ERBB4: variants seen among roughly 807,000 people sequenced by gnomAD.
ERBB4 encodes the protein receptor tyrosine-protein kinase erbB-4.
Under a neutral mutation model 158.0 loss-of-function variants are expected in ERBB4, and 42 were observed. The ratio of observed to expected loss-of-function variants is 0.27; its 90% CI spans 0.21 to 0.34. The LOEUF (loss-of-function observed/expected upper bound fraction) is 0.34. Among genes scored for constraint, ERBB4 ranks in the 10% least tolerant of loss-of-function variants. ERBB4 has a pLI of 1.00. For missense variants in ERBB4, 1,333 were observed against 1,624.1 expected (o/e 0.82, Z 3.08); for synonymous variants, 583 against 558.7 (o/e 1.04, Z -0.61).
At chr2:211,874,224 T>C (rs1431276586) in intron 3 of ERBB4, among the ~76,000 whole-genome samples, 1 of 152,256 alleles carries the variant, frequency 6.6e-6, no homozygotes, top group Admixed American at 6.5e-5. Flanking sequence ...CTATTTACAC[T>C]GAAGAATAAA....
chr2:212,264,611 T>C (rs1021138301), intron 1 of ERBB4, among the ~76,000 whole-genome samples: 3 of 152,124 alleles, frequency 2.0e-5, no homozygotes, highest in African/African-American at 7.2e-5. Flanking sequence ...CTTTAAACTA[T>C]CATGATTACA....
At chr2:212,106,892 G>A (rs2125530604) in intron 2 of ERBB4, among the ~76,000 whole-genome samples, 1 of 152,360 alleles carries the variant, frequency 6.6e-6, no homozygotes, top group South Asian at 2.1e-4. Flanking sequence ...TGTTGACCCT[G>A]GTGGTGCACA....
At chr2:211,445,584 G>C (rs1259917074) in intron 20 of ERBB4, among the ~76,000 whole-genome samples, 1 of 152,034 alleles carries the variant, frequency 6.6e-6, no homozygotes, top group African/African-American at 2.4e-5. Context: ...TAAAACTAGC[G>C]ACAGTATCAA....
At chr2:212,267,833 C>T (rs963178013) in intron 1 of ERBB4, among the ~76,000 whole-genome samples, 14 of 146,002 alleles carry the variant, frequency 9.6e-5, no homozygotes, top group African/African-American at 3.0e-4. Context: ...TTCAAAATTT[C>T]TATACCTGGC....
At chr2:211,728,991 T>C in intron 5 of ERBB4, among the ~76,000 whole-genome samples, 1 of 151,910 alleles carries the variant, frequency 6.6e-6, no homozygotes, top group Middle Eastern at 3.4e-3. Context: ...ACTATTTAAA[T>C]ATGAAAATAA....
chr2:212,533,203 A>T (rs1363638597), intron 1 of ERBB4, among the ~76,000 whole-genome samples: 4 of 152,214 alleles, frequency 2.6e-5, no homozygotes, highest in Non-Finnish European at 5.9e-5. Flanking sequence ...TTTGATAGAG[A>T]CAGTTTGCTA....
chr2:211,462,625 C>T (rs2064565835), intron 20 of ERBB4, among the ~76,000 whole-genome samples: 3 of 152,058 alleles, frequency 2.0e-5, no homozygotes, highest in South Asian at 2.1e-4. Flanking sequence ...ATTGTTTAAG[C>T]GAGCTTGTTC....
At chr2:211,476,056 A>C (rs1158203933) in intron 20 of ERBB4, among the ~76,000 whole-genome samples, 2 of 152,104 alleles carry the variant, frequency 1.3e-5, no homozygotes, top group African/African-American at 4.8e-5. Flanking sequence ...AGTTCCAAAA[A>C]AAGAGATTAT....
intron 2 of ERBB4, among the ~76,000 whole-genome samples, chr2:212,036,560 G>A (rs1240063050): frequency 6.6e-6 from 1 of 151,678 alleles, no homozygotes; most frequent in African/African-American, 2.4e-5. Context: ...CATCTCCCGG[G>A]TTCACGTTAT....
intron 2 of ERBB4, among the ~76,000 whole-genome samples, chr2:211,999,906 CTT>C (rs1559285066): frequency 1.3e-5 from 2 of 151,562 alleles, no homozygotes; most frequent in African/African-American, 4.8e-5. Context: ...AAAAAAAAGT[CTT>C]TTAATTTTAG....
chr2:211,741,596 C>T (rs1344238932), intron 5 of ERBB4, among the ~76,000 whole-genome samples: 1 of 151,638 alleles, frequency 6.6e-6, no homozygotes, highest in African/African-American at 2.4e-5. Flanking sequence ...ACCTAATGTC[C>T]CAGTTTAATA....
intron 3 of ERBB4, among the ~76,000 whole-genome samples, chr2:211,914,481 GT>G (rs1401042384): frequency 6.6e-6 from 1 of 151,904 alleles, no homozygotes; most frequent in African/African-American, 2.4e-5. Flanking sequence ...CTTTTATGGT[GT>G]TTAATAATTC....
chr2:211,618,417 A>T (rs761795831), intron 19 of ERBB4, among the ~76,000 whole-genome samples: 5 of 151,956 alleles, frequency 3.3e-5, no homozygotes, highest in Non-Finnish European at 5.9e-5. Flanking sequence ...TTTTGCTTTA[A>T]TTATCTATGG....
intron 3 of ERBB4, among the ~76,000 whole-genome samples, chr2:211,899,899 A>G (rs1009710576): frequency 1.6e-4 from 24 of 152,188 alleles, no homozygotes; most frequent in African/African-American, 5.3e-4. Context: ...TTGATGAAAA[A>G]TTAATATCTA....
At chr2:212,511,208 T>C (rs958981403) in intron 1 of ERBB4, among the ~76,000 whole-genome samples, 3 of 152,188 alleles carry the variant, frequency 2.0e-5, no homozygotes, top group African/African-American at 7.2e-5. Flanking sequence ...CTTACCTCAT[T>C]TTAGACCTTC....
chr2:212,004,400 C>T (rs1184435549), intron 2 of ERBB4, among the ~76,000 whole-genome samples: 1 of 152,136 alleles, frequency 6.6e-6, no homozygotes, highest in Admixed American at 6.6e-5. Context: ...CATATGTTAG[C>T]CTGAACCACA....
rs1257967616 is a variant in ERBB4 at position 211,378,490 on chromosome 2, A to G, written c.*5125T>C. 1 of 232,704 alleles carries G rather than the reference A, an allele frequency of 4.3e-6. No individual in the cohort carries two copies. Among genetic ancestry groups the G allele is most frequent in the Non-Finnish European group, 8.5e-6 (1 of 117,436 alleles). 14.4% of individuals were successfully genotyped at this position (232,704 alleles called of 1,614,324 possible). On this transcript the variant is annotated 3_prime_UTR_variant, in exon 28 of 28. Coordinates refer to ENST00000342788, the MANE Select transcript of ERBB4 (RefSeq NM_005235.3). ...TAATGAAAAGAAAAAAGCAGCTCAC[A>G]CTGCTAAAAGATATTTGCCCACACA...
rs545183975 is a variant in ERBB4, at chr2:211,582,419, G to A, written c.2302-20331C>T. Among the ~76,000 whole-genome samples, 11 of 152,254 alleles carry A rather than the reference G, an allele frequency of 7.2e-5. 1 individual carries two copies. In the South Asian group the frequency reaches 1.2e-3, roughly 17 times the overall value. On this transcript the variant is annotated intron_variant, in intron 19 of 27. Transcript: ENST00000342788. ...AGCTAATTTTAAGGATTGGATGGCC[G>A]TGATCTAAGTCTTTCCTTTAAGAAC...
intron 16 of ERBB4, among the ~76,000 whole-genome samples, chr2:211,643,608 C>A (rs1243073808): frequency 6.6e-6 from 1 of 152,042 alleles, no homozygotes; most frequent in Non-Finnish European, 1.5e-5. Context: ...TTTTTAAAAA[C>A]ATAAATGAAG....
Sources: gnomAD v4.1 joint callset for allele counts (sites outside exome capture counted in the v4.1 genomes callset) on GRCh38, gnomAD v4.1.1 for gene constraint, MANE v1.5 for transcripts, NCBI Gene and HGNC (gene_info 2026-07-23, HGNC 2026-07-21) for gene names.